GLI3: variants seen among roughly 807,000 people sequenced by gnomAD.
The protein encoded by GLI3 is transcription activator GLI3.
In GLI3, 20 loss-of-function variants were observed where a neutral mutation model predicts 100.8. The observed-to-expected ratio is 0.20, with a 90% CI of 0.14 to 0.29. The LOEUF is 0.29. Among genes scored for constraint, GLI3 ranks in the 10% least tolerant of loss-of-function variants. GLI3 has a pLI of 1.00. For synonymous variants in GLI3, 938 were observed against 860.5 expected (o/e 1.09, Z -1.58); for missense variants, 2,040 against 2,128.5 (o/e 0.96, Z 0.82).
At chr7:42,062,951 G>A (rs1050977527) in intron 4 of GLI3, among the ~76,000 whole-genome samples, 1 of 152,120 alleles carries the variant, frequency 6.6e-6, no homozygotes, top group Admixed American at 6.6e-5. Flanking sequence ...TCGCTAAACT[G>A]TATTGCAGAT....
chr7:42,074,797 T>C (rs1313857155), intron 4 of GLI3, among the ~76,000 whole-genome samples: 1 of 152,212 alleles, frequency 6.6e-6, no homozygotes, highest in Non-Finnish European at 1.5e-5. Flanking sequence ...GGACTTGTCT[T>C]TTGAGGCTCA....
In GLI3 at chr7:42,148,364, T is replaced by TTGAAGGTTCCTCACTGACTTTGCTGAGCC. The variant is rs1786774213; in HGVS notation, c.200_228dup (p.Thr77GlyfsTer19). 6.2e-7 allele frequency: 1 copy of TTGAAGGTTCCTCACTGACTTTGCTGAGCC among 1,614,036 alleles called. No homozygotes were observed. Among genetic ancestry groups the TTGAAGGTTCCTCACTGACTTTGCTGAGCC allele is most frequent in the Non-Finnish European group, 8.5e-7 (1 of 1,180,038 alleles). On this transcript the variant is annotated frameshift_variant, in exon 3 of 15. Transcript: ENST00000395925. LOFTEE classifies it high-confidence loss of function. ...AATGAGGCCCTCTCGTCACTCGATG[T>TTGAAGGTTCCTCACTGACTTTGCTGAGCC]TGAAGGTTCCTCACTGACTTTGCTG...
intron 4 of GLI3, among the ~76,000 whole-genome samples, chr7:42,068,481 T>A (rs1009541388): frequency 1.3e-5 from 2 of 152,206 alleles, no homozygotes; most frequent in African/African-American, 4.8e-5. Flanking sequence ...TCCTATTTCC[T>A]TTTAGTGTGC....
At chr7:42,047,229 C>G (rs1280072686) in intron 5 of GLI3, among the ~76,000 whole-genome samples, 3 of 152,228 alleles carry the variant, frequency 2.0e-5, no homozygotes, top group Admixed American at 1.3e-4. Flanking sequence ...CTATTATTAA[C>G]CAGTAAATTC....
At chr7:42,054,946 G>T (rs1397271503) in intron 4 of GLI3, among the ~76,000 whole-genome samples, 2 of 151,732 alleles carry the variant, frequency 1.3e-5, no homozygotes, top group Non-Finnish European at 2.9e-5. Flanking sequence ...AGTGGGCCAT[G>T]AGTGCACCAC....
At chr7:42,143,322 G>A (rs1045776888) in intron 3 of GLI3, among the ~76,000 whole-genome samples, 12 of 152,254 alleles carry the variant, frequency 7.9e-5, no homozygotes, top group African/African-American at 2.9e-4. Context: ...TGGATGAGAA[G>A]AGAACTAAGA....
intron 1 of GLI3, among the ~76,000 whole-genome samples, chr7:42,254,183 C>G (rs1583677019): frequency 7.0e-6 from 1 of 142,454 alleles, no homozygotes; most frequent in Admixed American, 7.8e-5. Context: ...TGTGCCACTG[C>G]ACTCCAGCCT....
At chr7:42,211,558 A>C (rs1383170331) in intron 2 of GLI3, among the ~76,000 whole-genome samples, 2 of 152,262 alleles carry the variant, frequency 1.3e-5, no homozygotes, top group Admixed American at 1.3e-4. Flanking sequence ...AAATGTTTAC[A>C]TTGATGTAAG....
In GLI3 at chr7:42,053,646, G is replaced by A. The variant is rs111949219; in HGVS notation, c.474-4950C>T. 7.5e-3 allele frequency among the ~76,000 whole-genome samples: 1,138 copies of A among 152,284 alleles called. 21 individuals are homozygous for A. The highest frequency in any genetic ancestry group is 0.025 in the African/African-American group (1,058 of 41,560). ...GTAGATACACACAGAAATGAACTGAGGATCACCGCTTTCGGTCTTTGTGGC... is the reference window on the plus strand; with the variant it reads ...GTAGATACACACAGAAATGAACTGAAGATCACCGCTTTCGGTCTTTGTGGC... On this transcript the variant is annotated intron_variant, in intron 4 of 14. Coordinates refer to ENST00000395925, the MANE Select transcript of GLI3 (RefSeq NM_000168.6).
chr7:42,137,865 G>A (rs1056533409), intron 3 of GLI3, among the ~76,000 whole-genome samples: 1 of 152,164 alleles, frequency 6.6e-6, no homozygotes, highest in Non-Finnish European at 1.5e-5. Context: ...TGTGGAAAAG[G>A]TATATATAAA....
chr7:42,174,248 C>T lies in GLI3; in HGVS notation c.125-25780G>A, dbSNP rs542076590. On this transcript the variant is annotated intron_variant, in intron 2 of 14. Transcript: ENST00000395925. ...ATCTGGGTAACTAATTTTGCTTTTC[C>T]GTCTGACTTATTCCACCTAAACCAG... 1.8e-4 allele frequency among the ~76,000 whole-genome samples: 27 copies of T among 152,104 alleles called. 1 individual carries two copies. In the South Asian group the frequency reaches 4.2e-3, roughly 23 times the overall value.
At chr7:42,247,486 A>T (rs1788987939) in intron 1 of GLI3, among the ~76,000 whole-genome samples, 1 of 152,194 alleles carries the variant, frequency 6.6e-6, no homozygotes, top group Non-Finnish European at 1.5e-5. Flanking sequence ...ACATCCTGAG[A>T]TCTCAGGGGG....
At chr7:42,166,425 C>T (rs866807012) in intron 2 of GLI3, among the ~76,000 whole-genome samples, 1 of 152,134 alleles carries the variant, frequency 6.6e-6, no homozygotes, top group African/African-American at 2.4e-5. Flanking sequence ...TTCTTGCTGT[C>T]TTCCAAGGGT....
intron 2 of GLI3, among the ~76,000 whole-genome samples, chr7:42,205,682 C>T (rs1788134393): frequency 6.6e-6 from 1 of 152,202 alleles, no homozygotes; most frequent in African/African-American, 2.4e-5. Context: ...AACTAAATTG[C>T]TTCCAGAACA....
chr7:42,040,593 C>G (rs1784116508), intron 6 of GLI3, among the ~76,000 whole-genome samples: 1 of 152,162 alleles, frequency 6.6e-6, no homozygotes, highest in African/African-American at 2.4e-5. Context: ...GCGACAAAGA[C>G]AGTGGTTCCC....
chr7:42,148,366 G>A lies in GLI3; in HGVS notation c.227C>T (p.Ser76Leu). ...TGAGGCCCTCTCGTCACTCGATGTT[G>A]AAGGTTCCTCACTGACTTTGCTGAG... Reference protein sequence around the residue: ...QGLSKVSEEPSTSSDERASLI... With the variant: ...QGLSKVSEEPLTSSDERASLI... Residue 76 changes from serine to leucine, a missense_variant, in exon 3 of 15, where the codon TCA becomes TTA. This residue lies in a region of GLI3 where 603 missense variants were observed against 690.9 expected (regional missense o/e 0.87). Coordinates refer to ENST00000395925, the MANE Select transcript of GLI3 (RefSeq NM_000168.6). 1.9e-6 allele frequency: 3 copies of A among 1,614,164 alleles called. No homozygotes were observed. Among genetic ancestry groups the A allele is most frequent in the South Asian group, 1.1e-5 (1 of 91,070 alleles).
intron 4 of GLI3, among the ~76,000 whole-genome samples, chr7:42,053,510 A>G (rs1182543276): frequency 6.6e-6 from 1 of 152,192 alleles, no homozygotes; most frequent in Non-Finnish European, 1.5e-5. Flanking sequence ...CCTACAAACT[A>G]TCATCAACTT....
rs846377 is a variant in GLI3 at position 42,135,241 on chromosome 7, A to G, written c.367+12985T>C. ...TTAATGTTGGGGAACCAGTAAAAAA[A>G]TCTAAAAATTCATCCCTCTGACTTC... On this transcript the variant is annotated intron_variant, in intron 3 of 14. Transcript: ENST00000395925. 7.2e-3 allele frequency among the ~76,000 whole-genome samples: 1,095 copies of G among 152,348 alleles called. 9 individuals carry two copies. The highest frequency in any genetic ancestry group is 0.025 in the African/African-American group (1,030 of 41,582).
chr7:41,976,277 TCAAA>T (rs1282490175), intron 12 of GLI3, among the ~76,000 whole-genome samples: 2 of 152,228 alleles, frequency 1.3e-5, no homozygotes, highest in Admixed American at 6.5e-5. Flanking sequence ...TAAAATGTCT[TCAAA>T]CAGTTAGAAA....
Sources: allele counts gnomAD v4.1 joint callset (sites outside exome capture counted in the v4.1 genomes callset), GRCh38; gene constraint gnomAD v4.1.1; regional missense constraint gnomAD v4.1.1; transcripts MANE v1.5; gene names NCBI Gene and HGNC (gene_info 2026-07-23, HGNC 2026-07-21).